The following SYNE2 variants were observed in gnomAD, a reference collection of about 807,000 sequenced individuals.
The protein encoded by SYNE2 is spectrin repeat containing nuclear envelope protein 2.
A neutral mutation model predicts 856.3 loss-of-function variants in SYNE2; 431 were observed. That is an observed-to-expected ratio of 0.50 (90% CI 0.47 to 0.55). SYNE2 has a LOEUF of 0.55. Among genes scored for constraint, SYNE2 ranks in the 20% least tolerant of loss-of-function variants. SYNE2 has a pLI of 0.00. For missense variants in SYNE2, 8,129 were observed against 8,023.2 expected, an observed-to-expected ratio of 1.01 and a Z score of -0.50; for synonymous variants, 2,923 against 2,872.3, an observed-to-expected ratio of 1.02 and a Z score of -0.56.
chr14:63,926,483 T>C (rs889017208), intron 2 of SYNE2, among the ~76,000 whole-genome samples: 1 of 152,200 alleles, frequency 6.6e-6, no homozygotes, highest in Non-Finnish European at 1.5e-5. Flanking sequence ...GTGAATGCCA[T>C]GTGGTCTCTC....
chr14:63,990,910 C>T (rs761072612), intron 20 of SYNE2, 32 bp from the exon 21 acceptor site: 28 of 1,591,534 alleles, frequency 1.8e-5, no homozygotes, highest in Middle Eastern at 1.7e-4. Flanking sequence ...AATTGGTCCC[C>T]GTGTTAATTT....
At chr14:63,960,582 CTTAA>C (rs914821729) in intron 8 of SYNE2, among the ~76,000 whole-genome samples, 1 of 151,872 alleles carries the variant, frequency 6.6e-6, no homozygotes, top group Non-Finnish European at 1.5e-5. Flanking sequence ...TTAAGTTTAA[CTTAA>C]TTAATAAATA....
chr14:64,070,589 C>T, intron 51 of SYNE2, 56 bp from the exon 52 acceptor site: 2 of 1,492,138 alleles, frequency 1.3e-6, no homozygotes, highest in South Asian at 1.2e-5. Flanking sequence ...TACTTCAGGT[C>T]CTGAAATGTA....
At chr14:63,781,666 C>CTA (rs768212329) in intron 1 of SYNE2, among the ~76,000 whole-genome samples, 1 of 106,338 alleles carries the variant, frequency 9.4e-6, no homozygotes, top group Non-Finnish European at 2.4e-5. Flanking sequence ...CCTTCTCTCT[C>CTA]TCTATATATA....
Position 63,993,918 on chromosome 14 carries a change from C to T in SYNE2, c.2730C>T (p.Asp910=), listed in dbSNP as rs574084565. The T allele has an allele frequency of 1.2e-6, 2 of 1,612,920 alleles. No homozygotes were observed. Among genetic ancestry groups the T allele is most frequent in the East Asian group, 2.2e-5 (1 of 44,834 alleles). ...AACTAAAAAATAATGTAACTGAGGA[C>T]ATAAAGATGTCTTTAGAAGAAAAGA... The part of the protein sequence containing the change: ...VEELKNNVTE[D]IKMSLEEKSR... Residue 910 remains aspartate, a synonymous_variant, in exon 22 of 116, where the codon GAC becomes GAT. Transcript: ENST00000555002.
intron 3 of SYNE2, 88 bp downstream of exon 3, chr14:63,940,763 A>C: frequency 8.5e-7 from 1 of 1,175,610 alleles, no homozygotes; most frequent in Non-Finnish European, 1.3e-6. Context: ...GCCATTAAAA[A>C]ATGGTACTGG....
At chr14:63,939,350 T>TC (rs1181373759) in intron 2 of SYNE2, among the ~76,000 whole-genome samples, 3 of 148,374 alleles carry the variant, frequency 2.0e-5, no homozygotes, top group South Asian at 2.1e-4. Flanking sequence ...TTTTTTTCTT[T>TC]TTTTTTTTTT....
chr14:63,883,416 G>A (rs2094911043), intron 1 of SYNE2, among the ~76,000 whole-genome samples: 1 of 151,980 alleles, frequency 6.6e-6, no homozygotes, highest in South Asian at 2.1e-4. Flanking sequence ...AGAGTGCAGT[G>A]GTACAATCAT....
chr14:64,225,362 G>T lies in SYNE2; in HGVS notation c.20560G>T (p.Val6854Leu). Residue 6854 changes from valine to leucine, a missense_variant, in exon 116 of 116, where the codon GTG becomes TTG. Physicochemically the swap from Val to Leu is conservative, Grantham distance 32. Around this residue, in one of 3 missense-constraint regions of SYNE2, gnomAD observed 5,410 missense variants for 5,284.8 expected, o/e 1.02. Coordinates refer to ENST00000555002, the MANE Select transcript of SYNE2 (RefSeq NM_182914.3). ...TRPQRSFLSR[V>L]VRAALPLQLL... ...GCCACAGCGCTCCTTCCTCTCAAGG[G>T]TGGTCCGGGCAGCCCTACCCCTGCA... 6.2e-7 allele frequency: 1 copy of T among 1,614,152 alleles called. No individual in the cohort carries two copies. The highest frequency in any genetic ancestry group is 8.5e-7 in the Non-Finnish European group (1 of 1,180,030).
At chr14:64,087,259 A>G (rs1349411699) in intron 57 of SYNE2, among the ~76,000 whole-genome samples, 1 of 152,128 alleles carries the variant, frequency 6.6e-6, no homozygotes, top group Non-Finnish European at 1.5e-5. Context: ...TTCTCCTATC[A>G]GTTATTTTTT....
intron 1 of SYNE2, among the ~76,000 whole-genome samples, chr14:63,890,724 T>C (rs2095111426): frequency 6.6e-6 from 1 of 152,210 alleles, no homozygotes; most frequent in Non-Finnish European, 1.5e-5. Flanking sequence ...TCACTTATCC[T>C]GGCAGCCTTC....
intron 2 of SYNE2, among the ~76,000 whole-genome samples, chr14:63,926,550 C>T (rs1595681356): frequency 2.6e-5 from 4 of 152,320 alleles, no homozygotes; most frequent in Middle Eastern, 3.4e-3. Flanking sequence ...AATGCACAAT[C>T]AAGCATGTGG....
At position 64,102,061 on chromosome 14, in the gene SYNE2, GC is replaced by G. The variant is rs1158489496; in HGVS notation, c.12492+21del. On this transcript the variant is annotated intron_variant, in intron 64 of 115. Coordinates refer to ENST00000555002, the MANE Select transcript of SYNE2 (RefSeq NM_182914.3). ...TGTTCAGGTAATGCTGGGCGTATCA[GC>G]CACGCTTAGGGGTTACGAGGGCCCA... The G allele has an allele frequency of 3.8e-6, 6 of 1,572,918 alleles. No homozygotes were observed. The highest frequency in any genetic ancestry group is 1.3e-5 in the African/African-American group (1 of 74,242).
At position 64,089,693 on chromosome 14, in the gene SYNE2, G is replaced by C. The variant is rs139751176; in HGVS notation, c.11790G>C (p.Gly3930=). The C allele has an allele frequency of 5.1e-5, 80 of 1,568,424 alleles. No individual in the cohort carries two copies. Among genetic ancestry groups the C allele is most frequent in the Admixed American group, 1.8e-4 (11 of 59,818 alleles). The change falls in exon 59 of 116, where the codon GGG becomes GGC. Residue 3930 remains glycine, a synonymous_variant. Transcript: ENST00000555002. ...DFSPEEHLKH[G]EVILENIRPM... ...CACCTGAAGAACATCTCAAACATGGGGAGGTAAGCATAGATTATTATTTAA... is the reference window on the plus strand; with the variant it reads ...CACCTGAAGAACATCTCAAACATGGCGAGGTAAGCATAGATTATTATTTAA...
At chr14:64,209,292 G>T in intron 101 of SYNE2, 136 bp from the exon 102 acceptor site, 1 of 1,407,394 alleles carries the variant, frequency 7.1e-7, no homozygotes. Context: ...CAGACAAGAA[G>T]TGGCGTCCCT....
chr14:64,188,426 C>G, intron 97 of SYNE2, 124 bp from the exon 98 acceptor site: 2 of 1,093,640 alleles, frequency 1.8e-6, no homozygotes, highest in Middle Eastern at 4.1e-4. Flanking sequence ...AGAGGCAAAA[C>G]CAGACAAGGT....
At chr14:64,218,765 CT>C (rs1408718911) in intron 109 of SYNE2, among the ~76,000 whole-genome samples, 18 of 152,184 alleles carry the variant, frequency 1.2e-4, no homozygotes, top group Admixed American at 2.0e-4. Context: ...CAGGTTTTCA[CT>C]TTCTATATTT....
At position 63,983,879 on chromosome 14, in the gene SYNE2, A is replaced by C; in HGVS notation, c.2144A>C (p.Asn715Thr). 1 of 1,521,322 alleles carries C rather than the reference A, an allele frequency of 6.6e-7. No individual in the cohort carries two copies. Among genetic ancestry groups the C allele is most frequent in the Non-Finnish European group, 9.1e-7 (1 of 1,103,020 alleles). The allele number at this position is 1,521,322 out of a possible 1,614,324, so 94.2% of individuals were successfully genotyped here. A position where few individuals can be genotyped will look rare whatever the true frequency, so the allele number is the denominator to read the frequency against. The change falls in exon 18 of 116, where the codon AAT becomes ACT. Residue 715 changes from asparagine to threonine, a missense_variant. Around this residue, in one of 3 missense-constraint regions of SYNE2, gnomAD observed 2,422 missense variants for 2,357.4 expected, o/e 1.03. Coordinates refer to ENST00000555002, the MANE Select transcript of SYNE2 (RefSeq NM_182914.3). ...GAACTTCCTGAAAATTATAATCAAA[A>C]TATAAAGGTAAAATAATCATACTTT... is the stretch of plus-strand genomic sequence containing the variant. ...SVELPENYNQ[N>T]IKAGEKHEKE...
Position 63,809,572 on chromosome 14 carries a change from G to A in SYNE2, c.-304-42929G>A, listed in dbSNP as rs116177626. ...ATAGCTCTCTGCATCCTCCACTCCT[G>A]GGCTCCAGGCCCAGCACTCCAGGCT... On this transcript the variant is annotated intron_variant, in intron 1 of 23. Transcript: ENST00000674003. 5.7e-3 allele frequency among the ~76,000 whole-genome samples: 863 copies of A among 152,232 alleles called. 4 individuals are homozygous for A. Among genetic ancestry groups the A allele is most frequent in the African/African-American group, 0.019 (797 of 41,542 alleles).
Sources: allele counts gnomAD v4.1 joint callset (sites outside exome capture counted in the v4.1 genomes callset), GRCh38; gene constraint gnomAD v4.1.1; regional missense constraint gnomAD v4.1.1; transcripts MANE v1.5; gene names NCBI Gene and HGNC (gene_info 2026-07-23, HGNC 2026-07-21).